Variants in ERC1 observed in about 807,000 individuals in gnomAD.
The protein encoded by ERC1 is ELKS/RAB6-interacting/CAST family member 1, also known as RAB6 interacting protein 2.
In ERC1, 56 loss-of-function variants were observed where a neutral mutation model predicts 132.0. The ratio of observed to expected loss-of-function variants is 0.42; its 90% CI spans 0.34 to 0.53. The LOEUF (loss-of-function observed/expected upper bound fraction) is 0.53, where lower values mean the gene tolerates loss of function less well. Ranked by LOEUF, ERC1 falls within the 20% of genes least tolerant of loss-of-function variation. The probability of loss-of-function intolerance (pLI) is 0.03; values close to 1 mark genes in which losing one functional copy is unlikely to be tolerated. For synonymous variants in ERC1, 478 were observed against 476.1 expected (o/e 1.00, Z -0.05); for missense variants, 1,202 against 1,349.9 (o/e 0.89, Z 1.72).
At chr12:1,354,414 T>G (rs1566662125) in intron 15 of ERC1, among the ~76,000 whole-genome samples, 1 of 151,930 alleles carries the variant, frequency 6.6e-6, no homozygotes, top group Non-Finnish European at 1.5e-5. Context: ...CACCAGCTAC[T>G]CAGGAGGCTG....
intron 16 of ERC1, chr12:1,391,183 C>A (rs2089929312): frequency 6.6e-6 from 1 of 152,282 alleles, no homozygotes; most frequent in Non-Finnish European, 1.5e-5. Flanking sequence ...CTGGGTCTTA[C>A]TTAGACTTCT....
intron 8 of ERC1, among the ~76,000 whole-genome samples, chr12:1,162,487 G>GTTT (rs60402999): frequency 1.4e-5 from 2 of 142,042 alleles, no homozygotes; most frequent in East Asian, 4.1e-4. Context: ...TCCTAGGTTT[G>GTTT]TTTTTTTTTT....
intron 17 of ERC1, among the ~76,000 whole-genome samples, chr12:1,420,401 T>TA (rs983681351): frequency 2.8e-4 from 43 of 151,554 alleles, no homozygotes; most frequent in South Asian, 1.0e-3. Context: ...ATTTTTCCTT[T>TA]AAAAAAAAAG....
chr12:1,024,981 T>C (rs1305891908), intron 1 of ERC1, among the ~76,000 whole-genome samples: 5 of 152,162 alleles, frequency 3.3e-5, no homozygotes, highest in African/African-American at 1.2e-4. Context: ...TTAGAGATGA[T>C]TTAAAGTATG....
chr12:1,311,979 T>C (rs2081341027), intron 15 of ERC1, among the ~76,000 whole-genome samples: 1 of 152,232 alleles, frequency 6.6e-6, no homozygotes, highest in South Asian at 2.1e-4. Context: ...ATATATAGTT[T>C]ATTATTTGAA....
At chr12:1,270,915 G>A (rs916272615) in intron 14 of ERC1, among the ~76,000 whole-genome samples, 2 of 152,096 alleles carry the variant, frequency 1.3e-5, no homozygotes, top group African/African-American at 2.4e-5. Context: ...AAAGGAAAAT[G>A]TAAATAATAA....
intron 16 of ERC1, among the ~76,000 whole-genome samples, chr12:1,393,472 T>A (rs2090151602): frequency 6.6e-6 from 1 of 152,230 alleles, no homozygotes; most frequent in African/African-American, 2.4e-5. Context: ...TGGTCAAGGC[T>A]GCAGTGAGCT....
At chr12:1,319,926 CTTA>C (rs2082002494) in intron 15 of ERC1, among the ~76,000 whole-genome samples, 1 of 151,958 alleles carries the variant, frequency 6.6e-6, no homozygotes, top group African/African-American at 2.4e-5. Flanking sequence ...GGGGCGGCTT[CTTA>C]TTTTTACCTT....
intron 3 of ERC1, 46 bp from the exon 4 acceptor site, chr12:1,104,704 G>C: frequency 7.4e-7 from 1 of 1,342,546 alleles, no homozygotes; most frequent in Non-Finnish European, 1.1e-6. Context: ...AAAAAAATGA[G>C]GGTGAACAGG....
At chr12:1,369,816 C>G (rs1430604299) in intron 15 of ERC1, among the ~76,000 whole-genome samples, 2 of 152,172 alleles carry the variant, frequency 1.3e-5, no homozygotes, top group Non-Finnish European at 2.9e-5. Flanking sequence ...CGATGAGAAT[C>G]TTCTCTCCTC....
chr12:1,049,647 A>G (rs542453960), intron 2 of ERC1, among the ~76,000 whole-genome samples: 1 of 152,216 alleles, frequency 6.6e-6, no homozygotes, highest in South Asian at 2.1e-4. Flanking sequence ...GCCACAATAT[A>G]TAAACAATTT....
intron 4 of ERC1, among the ~76,000 whole-genome samples, chr12:1,105,873 T>C (rs1175546525): frequency 6.6e-6 from 1 of 152,234 alleles, no homozygotes; most frequent in Non-Finnish European, 1.5e-5. Context: ...ATATCTTTAG[T>C]GCAGACAGTG....
At chr12:1,231,231 G>T (rs761530681) in intron 12 of ERC1, among the ~76,000 whole-genome samples, 1 of 151,640 alleles carries the variant, frequency 6.6e-6, no homozygotes. Flanking sequence ...TACTATGAGG[G>T]TTACATAAGA....
chr12:1,003,894 G>T (rs1592621764), intron 1 of ERC1, among the ~76,000 whole-genome samples: 1 of 152,198 alleles, frequency 6.6e-6, no homozygotes, highest in East Asian at 1.9e-4. Flanking sequence ...TGAGCTGGGG[G>T]ATACTCTGTT....
intron 16 of ERC1, among the ~76,000 whole-genome samples, chr12:1,389,320 G>A (rs887716813): frequency 1.3e-5 from 2 of 152,200 alleles, no homozygotes; most frequent in African/African-American, 2.4e-5. Flanking sequence ...TAATTTTGGA[G>A]TCATCAGAAC....
At chr12:1,177,565 A>C (rs1403182843) in intron 8 of ERC1, among the ~76,000 whole-genome samples, 1 of 152,228 alleles carries the variant, frequency 6.6e-6, no homozygotes, top group African/African-American at 2.4e-5. Context: ...TCAGTGGAAC[A>C]GTCAGAACAC....
chr12:1,293,803 C>T (rs924868586), intron 15 of ERC1, among the ~76,000 whole-genome samples: 5 of 152,048 alleles, frequency 3.3e-5, no homozygotes, highest in African/African-American at 1.2e-4. Flanking sequence ...TACATAAGAG[C>T]ATGTTTACTC....
At chr12:1,256,123 T>C (rs2076795989) in intron 13 of ERC1, among the ~76,000 whole-genome samples, 1 of 152,148 alleles carries the variant, frequency 6.6e-6, no homozygotes, top group South Asian at 2.1e-4. Context: ...TTTAAGTTCT[T>C]TGTAGATTCT....
At chr12:1,487,120 C>T (rs1265987852) in intron 18 of ERC1, among the ~76,000 whole-genome samples, 5 of 152,174 alleles carry the variant, frequency 3.3e-5, no homozygotes, top group Admixed American at 1.3e-4. Flanking sequence ...TACCCAGCCT[C>T]CTAGCTTTCC....
Sources: gnomAD v4.1 joint callset for allele counts (sites outside exome capture counted in the v4.1 genomes callset) on GRCh38, gnomAD v4.1.1 for gene constraint, MANE v1.5 for transcripts, NCBI Gene and HGNC (gene_info 2026-07-23, HGNC 2026-07-21) for gene names.